The following VAMP1 variants were observed in gnomAD, a reference collection of about 807,000 sequenced individuals.
VAMP1 encodes vesicle-associated membrane protein 1.
A neutral mutation model predicts 19.1 loss-of-function variants in VAMP1; 16 were observed. The ratio of observed to expected loss-of-function variants is 0.84; its 90% CI spans 0.57 to 1.27. The LOEUF is 1.27. VAMP1 is among the 50% of genes most tolerant of loss of function. The pLI, the probability that VAMP1 is intolerant of heterozygous loss-of-function variation, is 0.00. For missense variants in VAMP1, 109 were observed against 145.4 expected (o/e 0.75, Z 1.29); for synonymous variants, 37 against 50.2 (o/e 0.74, Z 1.11).
Position 6,464,132 on chromosome 12 carries a change from T to C in VAMP1, c.*338A>G, listed in dbSNP as rs544926462. ...TCTTCTCCTCCCAAGTCTGGGCAGCTTCATGGGTACTTCGCCTCAGCCACT... is the reference window on the plus strand; with the variant it reads ...TCTTCTCCTCCCAAGTCTGGGCAGCCTCATGGGTACTTCGCCTCAGCCACT... On this transcript the variant is annotated 3_prime_UTR_variant, in exon 5 of 5. Transcript: ENST00000396308. 7.3e-7 allele frequency: 1 copy of C among 1,366,774 alleles called. No individual in the cohort carries two copies. Among genetic ancestry groups the C allele is most frequent in the Non-Finnish European group, 9.6e-7 (1 of 1,038,812 alleles). 84.7% of individuals were successfully genotyped at this position (1,366,774 alleles called of 1,614,324 possible).
chr12:6,465,051 C>A (rs916839556), intron 3 of VAMP1, 110 bp from the exon 4 acceptor site: 58 of 1,518,266 alleles, frequency 3.8e-5, no homozygotes, highest in Non-Finnish European at 4.7e-5. Flanking sequence ...ATGGAAAAAA[C>A]CACCCATCAC....
chr12:6,465,372 A>AT lies in VAMP1; in HGVS notation c.289-432_289-431insA, dbSNP rs56993379. On this transcript the variant is annotated intron_variant, in intron 3 of 4. Transcript: ENST00000396308. ...AAAAGAAAAAAGTATATATATATAT[A>AT]AATGTATATATATGTATATATATAT... 6.4e-3 allele frequency: 711 copies of AT among 111,962 alleles called. 29 individuals carry two copies. The highest frequency in any genetic ancestry group is 0.021 in the Admixed American group (202 of 9,426). 6.9% of individuals were successfully genotyped at this position (111,962 alleles called of 1,614,324 possible). A position where few individuals can be genotyped will look rare whatever the true frequency, so the allele number is the denominator to read the frequency against.
chr12:6,470,648 C>T lies in VAMP1; in HGVS notation c.-117G>A. 3 of 1,367,334 alleles carry T rather than the reference C, an allele frequency of 2.2e-6. No individual in the cohort carries two copies. Among genetic ancestry groups the T allele is most frequent in the Non-Finnish European group, 3.1e-6 (3 of 974,188 alleles). 84.7% of individuals were successfully genotyped at this position (1,367,334 alleles called of 1,614,324 possible). A position where few individuals can be genotyped will look rare whatever the true frequency, so the allele number is the denominator to read the frequency against. ...GCCAAGCTCCGCCTCGCGCCGACTACCCCGCGGTCTAGCTGCGCTGGAACT... is the reference window on the plus strand; with the variant it reads ...GCCAAGCTCCGCCTCGCGCCGACTATCCCGCGGTCTAGCTGCGCTGGAACT... On this transcript the variant is annotated 5_prime_UTR_variant, in exon 1 of 5. Transcript: ENST00000396308.
Position 6,464,744 on chromosome 12 carries a change from C to T in VAMP1, c.340+146G>A, listed in dbSNP as rs71584833. 12,328 of 1,519,884 alleles carry T rather than the reference C, an allele frequency of 8.1e-3. 826 individuals are homozygous for T. The African/African-American group carries it at 0.15, about 18-fold the overall frequency. 94.1% of individuals were successfully genotyped at this position (1,519,884 alleles called of 1,614,324 possible). On this transcript the variant is annotated intron_variant, in intron 4 of 4. Transcript: ENST00000396308. ...AAATCCCTTGTCTCTGCCCTTCCCC[C>T]GTCCCGAACCAGGTGACGATCCCAT... is the stretch of plus-strand genomic sequence containing the variant.
At position 6,462,975 on chromosome 12, in the gene VAMP1, C is replaced by T. The variant is rs570943781; in HGVS notation, c.*1495G>A. 12 of 1,551,844 alleles carry T rather than the reference C, an allele frequency of 7.7e-6. No individual in the cohort carries two copies. Among genetic ancestry groups the T allele is most frequent in the African/African-American group, 2.7e-5 (2 of 73,182 alleles). On this transcript the variant is annotated 3_prime_UTR_variant, in exon 5 of 5. Transcript: ENST00000396308. ...AGCATGGCCTCAGCCTCTTCCTGTT[C>T]GTGGACCGAGGGAAGAAGGAATAAA...
At chr12:6,466,470 C>T in intron 1 of VAMP1, 119 bp from the exon 2 acceptor site, 1 of 1,170,908 alleles carries the variant, frequency 8.5e-7, no homozygotes, top group Non-Finnish European at 1.2e-6. Context: ...AGCGCTTGAG[C>T]CCAGGAGTTC....
At chr12:6,469,276 C>G (rs1945708837) in intron 1 of VAMP1, among the ~76,000 whole-genome samples, 2 of 152,162 alleles carry the variant, frequency 1.3e-5, no homozygotes, top group Admixed American at 1.3e-4. Context: ...TAGGTAGCAG[C>G]CAGTGTTGGA....
In VAMP1 at chr12:6,463,230, C is replaced by T; in HGVS notation, c.*1240G>A. ...AAAGGGTGGTTCAAAGGGGAATATACTACAGGAAGAACAGAGAGGCGGCTC... is the reference window on the plus strand; with the variant it reads ...AAAGGGTGGTTCAAAGGGGAATATATTACAGGAAGAACAGAGAGGCGGCTC... On this transcript the variant is annotated 3_prime_UTR_variant, in exon 5 of 5. Coordinates refer to ENST00000396308, the MANE Select transcript of VAMP1 (RefSeq NM_014231.5). The surrounding 1 kb of genome is among the most constrained non-coding windows in gnomAD (Gnocchi z 4.0). The T allele has an allele frequency of 7.1e-6, 10 of 1,408,734 alleles. No individual in the cohort carries two copies. The highest frequency in any genetic ancestry group is 9.2e-6 in the Non-Finnish European group (10 of 1,084,182). 87.3% of individuals were successfully genotyped at this position (1,408,734 alleles called of 1,614,324 possible).
rs1213158610 is a variant in VAMP1, at chr12:6,464,488, T to C, written c.341-2A>G. ...TACATTCTCAAGTAAAAAAGTAGAC[T>C]GGACACAGGAATCAGGAAGTCCCAG... On this transcript the variant is annotated splice_acceptor_variant, in intron 4 of 4. Coordinates refer to ENST00000396308, the MANE Select transcript of VAMP1 (RefSeq NM_014231.5). LOFTEE classifies it high-confidence loss of function. The C allele has an allele frequency of 6.6e-7, 1 of 1,520,676 alleles. No homozygotes were observed. Among genetic ancestry groups the C allele is most frequent in the Non-Finnish European group, 8.8e-7 (1 of 1,133,354 alleles). 94.2% of individuals were successfully genotyped at this position (1,520,676 alleles called of 1,614,324 possible). A position where few individuals can be genotyped will look rare whatever the true frequency, so the allele number is the denominator to read the frequency against.
chr12:6,465,386 G>GTATATATATATAAATGTATATATATGTA (rs1565526071), intron 3 of VAMP1: 2 of 59,502 alleles, frequency 3.4e-5, no homozygotes, highest in African/African-American at 1.2e-4. Context: ...GTATATATAT[G>GTATATATATATAAATGTATATATATGTA]TATATATATA....
In VAMP1 at chr12:6,470,660, G is replaced by A. The variant is rs1227804876; in HGVS notation, c.-129C>T. 3.2e-6 allele frequency: 4 copies of A among 1,256,974 alleles called. No individual in the cohort carries two copies. Among genetic ancestry groups the A allele is most frequent in the Non-Finnish European group, 4.6e-6 (4 of 878,722 alleles). The allele number at this position is 1,256,974 out of a possible 1,614,324, so 77.9% of individuals were successfully genotyped here. ...CTCGCGCCGACTACCCCGCGGTCTA[G>A]CTGCGCTGGAACTTACTGCAGCTGC... On this transcript the variant is annotated 5_prime_UTR_variant, in exon 1 of 5. Transcript: ENST00000396308.
Position 6,463,053 on chromosome 12 carries a change from C to T in VAMP1, c.*1417G>A, listed in dbSNP as rs1949922130. The T allele has an allele frequency of 4.5e-6, 7 of 1,541,482 alleles. No individual in the cohort carries two copies. The highest frequency in any genetic ancestry group is 6.1e-6 in the Non-Finnish European group (7 of 1,146,580). On this transcript the variant is annotated 3_prime_UTR_variant, in exon 5 of 5. Coordinates refer to ENST00000396308, the MANE Select transcript of VAMP1 (RefSeq NM_014231.5). The surrounding 1 kb of genome is among the most constrained non-coding windows in gnomAD (Gnocchi z 4.0). The stretch of plus-strand genomic sequence containing the variant: ...CCAGCCTGCCCTCCTCCCCTTGCAC[C>T]TGGGCTTATCCCACATTAATAGCCC...
Position 6,466,270 on chromosome 12 carries a change from C to A in VAMP1, c.84G>T (p.Met28Ile). The change falls in exon 2 of 5, where the codon ATG (methionine) becomes ATT (isoleucine). Residue 28 changes from methionine (M) to isoleucine (I), a missense_variant. Met to Ile is a conservative substitution (Grantham distance 10). Coordinates refer to ENST00000396308, the MANE Select transcript of VAMP1 (RefSeq NM_014231.5). ...TTTGCTGTAGTCGTCTGTTACTGGT[C>A]ATGTTAGGAGGAGGGCCAGGGGGAC... is the stretch of plus-strand genomic sequence containing the variant. ...GGGPPGPPPN[M>I]TSNRRLQQTQ... 6.2e-7 allele frequency: 1 copy of A among 1,614,136 alleles called. No homozygotes were observed. The highest frequency in any genetic ancestry group is 1.1e-5 in the South Asian group (1 of 91,024).
At position 6,462,478 on chromosome 12, in the gene VAMP1, G is replaced by A. The variant is rs962860014; in HGVS notation, c.*1992C>T. On this transcript the variant is annotated 3_prime_UTR_variant, in exon 5 of 5. Transcript: ENST00000396308. The stretch of plus-strand genomic sequence containing the variant: ...CTTCATTTGACTGCAAAGTCCCAGG[G>A]TTTTGTTGCACATTTGCTCATGCAC... The A allele has an allele frequency of 2.0e-6, 1 of 498,886 alleles. No homozygotes were observed. The highest frequency in any genetic ancestry group is 3.2e-5 in the East Asian group (1 of 30,838). The allele number at this position is 498,886 out of a possible 1,614,324, so 30.9% of individuals were successfully genotyped here.
Position 6,463,035 on chromosome 12 carries a change from G to T in VAMP1, c.*1435C>A. ...GCATTCTCCGCTCTGTTCCCAGCCTGCCCTCCTCCCCTTGCACCTGGGCTT... is the reference window on the plus strand; with the variant it reads ...GCATTCTCCGCTCTGTTCCCAGCCTTCCCTCCTCCCCTTGCACCTGGGCTT... On this transcript the variant is annotated 3_prime_UTR_variant, in exon 5 of 5. Coordinates refer to ENST00000396308, the MANE Select transcript of VAMP1 (RefSeq NM_014231.5). This position sits in a 1 kb window ranked among gnomAD's most constrained non-coding sequence, Gnocchi z 4.0. 1 of 1,545,184 alleles carries T rather than the reference G, an allele frequency of 6.5e-7. No individual in the cohort carries two copies. The highest frequency in any genetic ancestry group is 8.7e-7 in the Non-Finnish European group (1 of 1,146,868).
Position 6,463,005 on chromosome 12 carries a change from C to T in VAMP1, c.*1465G>A, listed in dbSNP as rs1401711098. On this transcript the variant is annotated 3_prime_UTR_variant, in exon 5 of 5. Coordinates refer to ENST00000396308, the MANE Select transcript of VAMP1 (RefSeq NM_014231.5). This position sits in a 1 kb window ranked among gnomAD's most constrained non-coding sequence, Gnocchi z 4.0. ...ACCGAGGGAAGAAGGAATAAAGGGC[C>T]ATGGGCATTCTCCGCTCTGTTCCCA... 2 of 1,549,752 alleles carry T rather than the reference C, an allele frequency of 1.3e-6. No homozygotes were observed. Among genetic ancestry groups the T allele is most frequent in the South Asian group, 2.4e-5 (2 of 84,050 alleles).
At chr12:6,465,249 A>G (rs900448425) in intron 3 of VAMP1, 10 of 449,120 alleles carry the variant, frequency 2.2e-5, no homozygotes, top group Non-Finnish European at 3.9e-5. Context: ...ATATTTAACC[A>G]ATTAGTTCAA....
intron 2 of VAMP1, 22 bp downstream of exon 2, chr12:6,466,203 A>G: frequency 6.2e-7 from 1 of 1,614,130 alleles, no homozygotes; most frequent in Non-Finnish European, 8.5e-7. Context: ...GGAAACTTTC[A>G]GAGAAACAGC....
chr12:6,463,278 G>C lies in VAMP1; in HGVS notation c.*1192C>G. ...CTCTCAAGGAGAGGGCCCCATGACAGCACAGCAATACACAAGCACACCTGA... is the reference window on the plus strand; with the variant it reads ...CTCTCAAGGAGAGGGCCCCATGACACCACAGCAATACACAAGCACACCTGA... On this transcript the variant is annotated 3_prime_UTR_variant, in exon 5 of 5. Coordinates refer to ENST00000396308, the MANE Select transcript of VAMP1 (RefSeq NM_014231.5). This position sits in a 1 kb window ranked among gnomAD's most constrained non-coding sequence, Gnocchi z 4.0. 7.6e-7 allele frequency: 1 copy of C among 1,321,696 alleles called. No individual in the cohort carries two copies. Among genetic ancestry groups the C allele is most frequent in the Non-Finnish European group, 9.7e-7 (1 of 1,031,486 alleles). The allele number at this position is 1,321,696 out of a possible 1,614,324, so 81.9% of individuals were successfully genotyped here.
Sources: gnomAD v4.1 joint callset for allele counts (sites outside exome capture counted in the v4.1 genomes callset) on GRCh38, gnomAD v4.1.1 for gene constraint, Gnocchi (gnomAD v3.1) non-coding constraint, MANE v1.5 for transcripts, NCBI Gene and HGNC (gene_info 2026-07-23, HGNC 2026-07-21) for gene names.